The following CADPS2 variants were observed in gnomAD, a reference collection of about 807,000 sequenced individuals.
CADPS2 encodes the protein calcium dependent secretion activator 2.
CADPS2 carries 93 observed loss-of-function variants against 172.5 expected under a neutral mutation model. The observed-to-expected ratio is 0.54, with a 90% confidence interval of 0.46 to 0.64. The LOEUF (loss-of-function observed/expected upper bound fraction) is 0.64. Among genes scored for constraint, CADPS2 ranks in the 30% least tolerant of loss-of-function variants. CADPS2 has a pLI of 0.00. For missense variants in CADPS2, 1,420 were observed against 1,565.9 expected (o/e 0.91, Z 1.57); for synonymous variants, 546 against 555.2 (o/e 0.98, Z 0.23).
chr7:122,547,542 T>G (rs921276016), intron 8 of CADPS2, among the ~76,000 whole-genome samples: 2 of 152,184 alleles, frequency 1.3e-5, no homozygotes, highest in African/African-American at 4.8e-5. Flanking sequence ...AATATTTGTT[T>G]AGCTTCTACT....
intron 29 of CADPS2, among the ~76,000 whole-genome samples, 159 bp from the exon 30 acceptor site, chr7:122,320,497 A>T (rs370226489): frequency 5.9e-5 from 9 of 152,206 alleles, no homozygotes; most frequent in South Asian, 2.1e-4. Context: ...TCTGGGGAGT[A>T]AATGGAATGA....
At chr7:122,768,806 G>A (rs914678542) in intron 1 of CADPS2, among the ~76,000 whole-genome samples, 2 of 152,192 alleles carry the variant, frequency 1.3e-5, no homozygotes, top group Admixed American at 1.3e-4. Flanking sequence ...GACCCCATGT[G>A]TAGAAAGCCA....
chr7:122,554,760 T>C, intron 7 of CADPS2, 71 bp from the exon 8 acceptor site: 1 of 1,318,992 alleles, frequency 7.6e-7, no homozygotes, highest in Non-Finnish European at 1.0e-6. Context: ...TAAAATATTT[T>C]CTATGTTTTC....
At position 122,698,643 on chromosome 7, in the gene CADPS2, G is replaced by A. The variant is rs758401726; in HGVS notation, c.454-35074C>T. ...AGGTCTCTGAGTACTTTGATCGGCT[G>A]AAAATGGTATTGGGATTACATGCAT... is the stretch of plus-strand genomic sequence containing the variant. On this transcript the variant is annotated intron_variant, in intron 2 of 29. Coordinates refer to ENST00000449022, the MANE Select transcript of CADPS2 (RefSeq NM_017954.11). 4.0e-5 allele frequency: 64 copies of A among 1,613,924 alleles called. No individual in the cohort carries two copies. In the Middle Eastern group the frequency reaches 9.9e-4, roughly 25 times the overall value.
At chr7:122,379,523 T>A in intron 24 of CADPS2, 81 bp from the exon 25 acceptor site, 1 of 805,486 alleles carries the variant, frequency 1.2e-6, no homozygotes, top group Non-Finnish European at 2.1e-6. Flanking sequence ...CTAAATCTAC[T>A]AGTTATGACC....
chr7:122,511,955 A>G (rs1298739292), intron 9 of CADPS2, among the ~76,000 whole-genome samples: 1 of 152,172 alleles, frequency 6.6e-6, no homozygotes, highest in Non-Finnish European at 1.5e-5. Flanking sequence ...CCACAACCCC[A>G]AACAGGTAAC....
At chr7:122,741,946 C>T (rs1279641518) in intron 1 of CADPS2, among the ~76,000 whole-genome samples, 1 of 152,146 alleles carries the variant, frequency 6.6e-6, no homozygotes, top group East Asian at 1.9e-4. Flanking sequence ...TACCAGTTCG[C>T]TCCAATATCC....
rs780414835 is a variant in CADPS2, at chr7:122,621,658, C to T, written c.927G>A (p.Leu309=). ...CCATTAGCAAATTCACTGAAGACCG[C>T]AACTCTTCTATATACATATTCTCCA... ...KDMENMYIEE[L]RSSVNLLMAN... The change falls in exon 5 of 30, where the codon TTG becomes TTA. Residue 309 remains leucine, a synonymous_variant. Transcript: ENST00000449022. 1 of 1,613,646 alleles carries T rather than the reference C, an allele frequency of 6.2e-7. No individual in the cohort carries two copies. Among genetic ancestry groups the T allele is most frequent in the South Asian group, 1.1e-5 (1 of 91,076 alleles).
chr7:122,474,518 C>A lies in CADPS2; in HGVS notation c.1862-1G>T. On this transcript the variant is annotated splice_acceptor_variant, in intron 12 of 29. Coordinates refer to ENST00000449022, the MANE Select transcript of CADPS2 (RefSeq NM_017954.11). LOFTEE classifies it high-confidence loss of function. ...CCATGTTTCTGAAAACGATCTGCATCTGTAAATTCAGGAAAGCATGTACAG... is the reference window on the plus strand; with the variant it reads ...CCATGTTTCTGAAAACGATCTGCATATGTAAATTCAGGAAAGCATGTACAG... 2 of 1,612,044 alleles carry A rather than the reference C, an allele frequency of 1.2e-6. No homozygotes were observed. Among genetic ancestry groups the A allele is most frequent in the Non-Finnish European group, 1.7e-6 (2 of 1,178,966 alleles).
At chr7:122,707,423 T>A (rs957249094) in intron 2 of CADPS2, among the ~76,000 whole-genome samples, 1 of 151,974 alleles carries the variant, frequency 6.6e-6, no homozygotes, top group African/African-American at 2.4e-5. Context: ...TCTCTATGGG[T>A]AAGAGTGCTC....
intron 17 of CADPS2, among the ~76,000 whole-genome samples, chr7:122,417,122 T>C (rs2048018110): frequency 6.6e-6 from 1 of 152,200 alleles, no homozygotes; most frequent in South Asian, 2.1e-4. Flanking sequence ...CTTGATTTAC[T>C]TCTTCCTAAA....
intron 1 of CADPS2, among the ~76,000 whole-genome samples, chr7:122,860,052 A>T (rs920362254): frequency 2.0e-5 from 3 of 152,124 alleles, no homozygotes; most frequent in African/African-American, 7.2e-5. Flanking sequence ...ACGTTCTGGG[A>T]TTTATAAGTG....
At chr7:122,505,630 A>G (rs547974034) in intron 9 of CADPS2, among the ~76,000 whole-genome samples, 1 of 152,334 alleles carries the variant, frequency 6.6e-6, no homozygotes, top group East Asian at 1.9e-4. Context: ...TACAGATGGA[A>G]GAGTAATAAA....
chr7:122,434,271 TCTC>T (rs1333856355), intron 17 of CADPS2, among the ~76,000 whole-genome samples: 1 of 152,114 alleles, frequency 6.6e-6, no homozygotes. Flanking sequence ...GTGTGTTCTT[TCTC>T]CTCTTCGTGG....
At chr7:122,658,838 C>G (rs2080150848) in intron 3 of CADPS2, among the ~76,000 whole-genome samples, 1 of 151,946 alleles carries the variant, frequency 6.6e-6, no homozygotes, top group Admixed American at 6.6e-5. Flanking sequence ...ACATATGTAA[C>G]TAACCTGCAC....
chr7:122,372,970 A>G (rs2041944781), intron 25 of CADPS2, among the ~76,000 whole-genome samples: 1 of 152,198 alleles, frequency 6.6e-6, no homozygotes, highest in Non-Finnish European at 1.5e-5. Context: ...TGAGGATAAG[A>G]CTGCCCATTT....
intron 7 of CADPS2, among the ~76,000 whole-genome samples, chr7:122,574,276 T>G (rs2132616143): frequency 6.6e-6 from 1 of 151,492 alleles, no homozygotes; most frequent in East Asian, 2.0e-4. Context: ...TAAATCCTTG[T>G]TCTACCAAAA....
At chr7:122,576,773 ATTT>A (rs1257767347) in intron 7 of CADPS2, among the ~76,000 whole-genome samples, 4 of 135,902 alleles carry the variant, frequency 2.9e-5, no homozygotes, top group Admixed American at 7.4e-5. Flanking sequence ...AGGAGATCTG[ATTT>A]TTTTTTTTTT....
In CADPS2 at chr7:122,528,110, A is replaced by AGTGGTGGTGGTG. The variant is rs71159802; in HGVS notation, c.1476-14807_1476-14796dup. 9.2e-4 allele frequency among the ~76,000 whole-genome samples: 120 copies of AGTGGTGGTGGTG among 130,120 alleles called. No homozygotes were observed. In the South Asian group the frequency reaches 0.01, roughly 11 times the overall value. 85.4% of individuals were successfully genotyped at this position (130,120 alleles called of 152,430 possible). ...AAAACACAATGTAGATGAAGGCATT[A>AGTGGTGGTGGTG]GTGGTGGTGGTGGTGGTGGTGGTGG... On this transcript the variant is annotated intron_variant, in intron 8 of 29. Transcript: ENST00000449022.
Sources: gnomAD v4.1 joint callset for allele counts (sites outside exome capture counted in the v4.1 genomes callset) on GRCh38, gnomAD v4.1.1 for gene constraint, MANE v1.5 for transcripts, NCBI Gene and HGNC (gene_info 2026-07-23, HGNC 2026-07-21) for gene names.